The following SLC10A6 variants were observed in gnomAD, a reference collection of about 807,000 sequenced individuals.
SLC10A6 encodes the protein solute carrier family 10 member 6, also known as sodium-dependent organic anion transporter.
Under a neutral mutation model 30.0 loss-of-function variants are expected in SLC10A6, and 27 were observed. The ratio of observed to expected loss-of-function variants is 0.90; its 90% CI spans 0.66 to 1.24. The LOEUF is 1.24. SLC10A6 is among the 50% of genes most tolerant of loss of function. The pLI is 0.00. For missense variants in SLC10A6, 439 were observed against 457.0 expected, an observed-to-expected ratio of 0.96 and a Z score of 0.36; for synonymous variants, 166 against 173.8, an observed-to-expected ratio of 0.95 and a Z score of 0.36.
At chr4:86,826,265 A>G (rs1401576065) in intron 4 of SLC10A6, among the ~76,000 whole-genome samples, 1 of 152,168 alleles carries the variant, frequency 6.6e-6, no homozygotes, top group Non-Finnish European at 1.5e-5. Context: ...GAAACAATAT[A>G]AACTAACCAA....
chr4:86,837,661 A>G (rs1746224286), intron 1 of SLC10A6: 1 of 982,642 alleles, frequency 1.0e-6, no homozygotes, highest in Admixed American at 6.1e-5. Context: ...TTTTGTACCT[A>G]CCTGAGTGAT....
intron 4 of SLC10A6, among the ~76,000 whole-genome samples, chr4:86,827,568 T>C (rs914784176): frequency 6.6e-6 from 1 of 152,312 alleles, no homozygotes; most frequent in African/African-American, 2.4e-5. Context: ...AAGTAGTACA[T>C]ACTTATTGAA....
intron 4 of SLC10A6, among the ~76,000 whole-genome samples, chr4:86,825,915 G>C (rs1745986544): frequency 6.6e-6 from 1 of 152,238 alleles, no homozygotes; most frequent in African/African-American, 2.4e-5. Context: ...CTTCACAGAG[G>C]AGTGGGATTT....
At chr4:86,835,587 G>A (rs1249879561) in intron 1 of SLC10A6, among the ~76,000 whole-genome samples, 3 of 151,826 alleles carry the variant, frequency 2.0e-5, no homozygotes, top group Non-Finnish European at 4.4e-5. Flanking sequence ...GAATCACTTG[G>A]ACCCAGGAGG....
intron 1 of SLC10A6, 64 bp from the exon 2 acceptor site, chr4:86,833,488 C>T (rs1746124236): frequency 1.7e-6 from 2 of 1,208,470 alleles, no homozygotes; most frequent in Non-Finnish European, 2.4e-6. Context: ...TAGTCTTTAC[C>T]AAAAGCAACT....
intron 1 of SLC10A6, among the ~76,000 whole-genome samples, chr4:86,842,856 TTC>T (rs1746325353): frequency 2.1e-5 from 1 of 48,172 alleles, no homozygotes. Context: ...CTTTCTTTCT[TTC>T]TTTCTTTCTT....
intron 1 of SLC10A6, among the ~76,000 whole-genome samples, chr4:86,845,791 T>G (rs1383231911): frequency 6.6e-6 from 1 of 152,056 alleles, no homozygotes; most frequent in African/African-American, 2.4e-5. Flanking sequence ...ATGGCGAGAA[T>G]GAGGGTAGTC....
Position 86,847,846 on chromosome 4 carries a change from A to G in SLC10A6, c.377+893T>C, listed in dbSNP as rs191688657. 3.5e-4 allele frequency among the ~76,000 whole-genome samples: 53 copies of G among 152,334 alleles called. 1 individual carries two copies. Among genetic ancestry groups the G allele is most frequent in the African/African-American group, 1.1e-3 (44 of 41,576 alleles). The stretch of plus-strand genomic sequence containing the variant: ...TTAAATTTATAAGCAGTTCTTCCCC[A>G]GGGCAGGAAGTGAAACGGCATGTTC... On this transcript the variant is annotated intron_variant, in intron 1 of 5. Coordinates refer to ENST00000273905, the MANE Select transcript of SLC10A6 (RefSeq NM_197965.3).
chr4:86,829,815 T>A (rs1012256269), intron 3 of SLC10A6, among the ~76,000 whole-genome samples: 29 of 151,972 alleles, frequency 1.9e-4, no homozygotes, highest in Non-Finnish European at 2.5e-4. Flanking sequence ...TCCTATGAAA[T>A]ACCCAAAAGA....
chr4:86,848,660 G>A, intron 1 of SLC10A6, 79 bp downstream of exon 1: 10 of 1,446,016 alleles, frequency 6.9e-6, no homozygotes, highest in Non-Finnish European at 9.3e-6. Flanking sequence ...GATTAGAAGA[G>A]TGTTTAACAC....
chr4:86,823,701 GT>G lies in SLC10A6; in HGVS notation c.1120del (p.Thr374LeufsTer8). 5.0e-6 allele frequency: 8 copies of G among 1,608,010 alleles called. No homozygotes were observed. The highest frequency in any genetic ancestry group is 6.8e-6 in the Non-Finnish European group (8 of 1,177,382). On this transcript the variant is annotated frameshift_variant, in exon 6 of 6. Coordinates refer to ENST00000273905, the MANE Select transcript of SLC10A6 (RefSeq NM_197965.3). LOFTEE classifies it high-confidence loss of function. ...HRALEPVGHI[T>X]SCE ...AGCTAGTCCCTGCTATTCACATGAA[GT>G]GATGTGGCCAACTGGCTCGAGAGCC...
In SLC10A6 at chr4:86,849,020, G is replaced by T. The variant is rs556189080; in HGVS notation, c.96C>A (p.Leu32=). ...TCACAGTGGACACCACTGTGAAAAC[G>T]AGCTCCAGGTTTCCATGCACCTCCA... ...VGLEVHGNLE[L]VFTVVSTVMM... Residue 32 remains leucine (L), a synonymous_variant, in exon 1 of 6, where the codon CTC becomes CTA. Transcript: ENST00000273905. 2.5e-6 allele frequency: 4 copies of T among 1,614,120 alleles called. No homozygotes were observed. The highest frequency in any genetic ancestry group is 2.5e-6 in the Non-Finnish European group (3 of 1,180,022).
intron 4 of SLC10A6, among the ~76,000 whole-genome samples, chr4:86,826,607 A>T (rs192260563): frequency 6.6e-6 from 1 of 152,288 alleles, no homozygotes. Flanking sequence ...CTGAATAAAG[A>T]CCAAATTCCT....
intron 1 of SLC10A6, among the ~76,000 whole-genome samples, chr4:86,836,439 G>A (rs959184915): frequency 2.6e-5 from 4 of 152,130 alleles, no homozygotes; most frequent in African/African-American, 9.7e-5. Context: ...AGGTCACAAT[G>A]AATCCACCTT....
At chr4:86,826,528 G>T (rs1746002848) in intron 4 of SLC10A6, among the ~76,000 whole-genome samples, 1 of 137,182 alleles carries the variant, frequency 7.3e-6, no homozygotes, top group Non-Finnish European at 1.5e-5. Flanking sequence ...TTGCACTCCA[G>T]CCTGGGCAAC....
intron 1 of SLC10A6, among the ~76,000 whole-genome samples, chr4:86,840,555 T>G (rs1212861603): frequency 1.3e-5 from 2 of 152,194 alleles, no homozygotes; most frequent in Non-Finnish European, 2.9e-5. Flanking sequence ...TCAACTGACT[T>G]AAAATTTATA....
intron 2 of SLC10A6, among the ~76,000 whole-genome samples, chr4:86,833,024 CTT>C (rs1242595816): frequency 3.3e-5 from 5 of 151,790 alleles, no homozygotes; most frequent in Non-Finnish European, 5.9e-5. Flanking sequence ...AAAATGCACT[CTT>C]ATAGGGATGA....
At chr4:86,826,546 C>CAATA (rs71598412) in intron 4 of SLC10A6, among the ~76,000 whole-genome samples, 8,175 of 149,696 alleles carry the variant, frequency 0.055, 475 homozygotes, top group African/African-American at 0.15. Flanking sequence ...AACGAGGTCT[C>CAATA]AATAAATAAA....
rs1430380635 is a variant in SLC10A6, at chr4:86,836,913, A to G, written c.378-3489T>C. ...GCTGGGATTACAGATGCCCACCACC[A>G]CACCCAGGTAATTTTTGTATTTTTA... is the stretch of plus-strand genomic sequence containing the variant. On this transcript the variant is annotated intron_variant, in intron 1 of 5. Transcript: ENST00000273905. Among the ~76,000 whole-genome samples the G allele has an allele frequency of 6.6e-5, 10 of 151,892 alleles. No homozygotes were observed. The East Asian group carries it at 1.9e-3, about 30-fold the overall frequency.
Sources: allele counts gnomAD v4.1 joint callset (sites outside exome capture counted in the v4.1 genomes callset), GRCh38; gene constraint gnomAD v4.1.1; transcripts MANE v1.5; gene names NCBI Gene and HGNC (gene_info 2026-07-23, HGNC 2026-07-21).